BTD: variants seen among roughly 807,000 people sequenced by gnomAD.
The protein encoded by BTD is biocytinase.
BTD carries 13 observed loss-of-function variants against 17.7 expected under a neutral mutation model. That is an observed-to-expected ratio of 0.74 (90% CI 0.48 to 1.17). The LOEUF is 1.17. Among genes scored for constraint, BTD ranks in the 50% most tolerant of loss-of-function variants. The probability of loss-of-function intolerance (pLI) is 0.00; values close to 1 mark genes in which losing one functional copy is unlikely to be tolerated. For synonymous variants in BTD, 240 were observed against 245.2 expected (o/e 0.98, Z 0.20); for missense variants, 674 against 650.4 (o/e 1.04, Z -0.39).
At chr3:15,620,464 C>A (rs1025985514) in intron 1 of BTD, among the ~76,000 whole-genome samples, 3 of 152,166 alleles carry the variant, frequency 2.0e-5, no homozygotes, top group African/African-American at 7.2e-5. Context: ...TAGCCCAACC[C>A]CACAGGCAGT....
chr3:15,628,365 G>A (rs905617144), intron 1 of BTD, among the ~76,000 whole-genome samples: 8 of 152,208 alleles, frequency 5.3e-5, no homozygotes, highest in African/African-American at 1.9e-4. Flanking sequence ...TAATCACAAA[G>A]CCATTACATG....
chr3:15,657,399 C>A (rs1006967815), downstream of BTD, among the ~76,000 whole-genome samples: 5 of 152,124 alleles, frequency 3.3e-5, no homozygotes, highest in African/African-American at 1.2e-4. Context: ...TTGAATCTTT[C>A]CAATAACTCT....
At chr3:15,632,273 A>C (rs929630022) in intron 1 of BTD, among the ~76,000 whole-genome samples, 1 of 152,134 alleles carries the variant, frequency 6.6e-6, no homozygotes, top group Non-Finnish European at 1.5e-5. Flanking sequence ...TATCCAGAGC[A>C]CGAGCCCCAC....
chr3:15,678,319 A>G (rs2067170899), intron 3 of BTD: 5 of 1,611,570 alleles, frequency 3.1e-6, no homozygotes, highest in Non-Finnish European at 4.2e-6. Flanking sequence ...TAAACACTCT[A>G]CATGGTCTGT....
At chr3:15,628,268 A>G (rs1471873581) in intron 1 of BTD, among the ~76,000 whole-genome samples, 2 of 152,254 alleles carry the variant, frequency 1.3e-5, no homozygotes, top group Non-Finnish European at 2.9e-5. Context: ...GGTTGTATCC[A>G]TCATACAGTT....
chr3:15,670,048 C>G (rs2066196361), intron 3 of BTD: 2 of 513,554 alleles, frequency 3.9e-6, no homozygotes, highest in South Asian at 5.9e-5. Context: ...ATTCTGACAT[C>G]AATGTGTTTT....
chr3:15,711,227 C>G, exon 4 of BTD: 1 of 1,612,528 alleles, frequency 6.2e-7, no homozygotes, highest in Non-Finnish European at 8.5e-7. Flanking sequence ...GCTGCAGCTG[C>G]ATGTAGACAA....
At chr3:15,629,156 A>G (rs978682789) in intron 1 of BTD, among the ~76,000 whole-genome samples, 2 of 152,196 alleles carry the variant, frequency 1.3e-5, no homozygotes, top group Non-Finnish European at 2.9e-5. Flanking sequence ...CACCTGAGAA[A>G]TGAAGATGAT....
rs2065828919 is a variant in BTD at position 15,652,973 on chromosome 3, C to T, written c.*7485C>T. 6.6e-6 allele frequency among the ~76,000 whole-genome samples: 1 copy of T among 152,154 alleles called. No homozygotes were observed. Among genetic ancestry groups the T allele is most frequent in the Non-Finnish European group, 1.5e-5 (1 of 68,026 alleles). ...GGTCCATGCTGAACAAACTTGTTTG[C>T]TTTGAAATCGGAAGTTCTAGAGGAG... On this transcript the variant is annotated 3_prime_UTR_variant, in exon 4 of 4. Coordinates refer to ENST00000643237, the MANE Select transcript of BTD (RefSeq NM_001370658.1).
Position 15,677,436 on chromosome 3 carries a change from GTTAATA to G in BTD, c.400-32619_400-32614del, listed in dbSNP as rs67528545. 4.6e-3 allele frequency: 6,744 copies of G among 1,462,696 alleles called. 251 individuals carry two copies. The African/African-American group carries it at 0.078, about 17-fold the overall frequency. 90.6% of individuals were successfully genotyped at this position (1,462,696 alleles called of 1,614,324 possible). On this transcript the variant is annotated intron_variant, in intron 3 of 3. Transcript: ENST00000672141. ...AAGTCAAAAAACTTTTAAGGTCACT[GTTAATA>G]TTAACAATGGAAACATATTCTTAAG...
intron 1 of BTD, chr3:15,606,445 AAG>A (rs2064456681): frequency 6.6e-6 from 1 of 152,242 alleles, no homozygotes; most frequent in Non-Finnish European, 1.5e-5. Flanking sequence ...TGACAGGTTC[AAG>A]ACTGATTTGA....
intron 3 of BTD, among the ~76,000 whole-genome samples, chr3:15,692,454 C>A (rs538442512): frequency 7.2e-5 from 11 of 152,048 alleles, no homozygotes; most frequent in Non-Finnish European, 1.5e-4. Context: ...TGAAAAACAA[C>A]AGCAAAAATA....
At chr3:15,602,323 A>G (rs1388049685) in intron 1 of BTD, 1 of 1,080,560 alleles carries the variant, frequency 9.3e-7, no homozygotes, top group Non-Finnish European at 1.1e-6. Flanking sequence ...AGTATAGAGC[A>G]CTGTTTTCTC....
chr3:15,690,181 G>C (rs753270429), intron 3 of BTD: 3 of 1,607,434 alleles, frequency 1.9e-6, no homozygotes, highest in Non-Finnish European at 1.7e-6. Flanking sequence ...AACAAAGACT[G>C]TACCAACACT....
intron 3 of BTD, among the ~76,000 whole-genome samples, chr3:15,699,060 A>G (rs1380175946): frequency 6.6e-6 from 1 of 152,238 alleles, no homozygotes; most frequent in Non-Finnish European, 1.5e-5. Context: ...ACAATGGAAC[A>G]GAACAGAGGC....
intron 3 of BTD, among the ~76,000 whole-genome samples, chr3:15,705,114 C>A (rs900720853): frequency 6.6e-6 from 1 of 152,174 alleles, no homozygotes; most frequent in Non-Finnish European, 1.5e-5. Context: ...AAGCCTGATA[C>A]TTTCCAGTGT....
At chr3:15,606,872 C>A (rs191198828) in intron 1 of BTD, 1 of 152,000 alleles carries the variant, frequency 6.6e-6, no homozygotes, top group Non-Finnish European at 1.5e-5. Flanking sequence ...GCTTTGAATG[C>A]GGCCCAACAC....
chr3:15,712,357 GGTTA>G lies in BTD; in HGVS notation c.*2284_*2287del, dbSNP rs1487098129. On this transcript the variant is annotated 3_prime_UTR_variant, in exon 4 of 4. Transcript: ENST00000672141. ...TGTCTAACACTTCGGAGAGTAATTT[GGTTA>G]AAGTTTGATGGTGGGCATAACTTAT... The G allele has an allele frequency of 3.2e-5, 24 of 743,208 alleles. No individual in the cohort carries two copies. In the African/African-American group the frequency reaches 3.5e-4, roughly 11 times the overall value. The allele number at this position is 743,208 out of a possible 1,614,324, so 46.0% of individuals were successfully genotyped here. A position where few individuals can be genotyped will look rare whatever the true frequency, so the allele number is the denominator to read the frequency against.
chr3:15,696,329 A>T, intron 3 of BTD: 1 of 864,472 alleles, frequency 1.2e-6, no homozygotes, highest in Non-Finnish European at 1.8e-6. Flanking sequence ...TTAAAAACTG[A>T]CAATTTTTCT....
Sources: gnomAD v4.1 joint callset for allele counts (sites outside exome capture counted in the v4.1 genomes callset) on GRCh38, gnomAD v4.1.1 for gene constraint, MANE v1.5 for transcripts, NCBI Gene and HGNC (gene_info 2026-07-23, HGNC 2026-07-21) for gene names.